The following C2CD2 variants were observed in gnomAD, a reference collection of about 807,000 sequenced individuals.
C2CD2 encodes C2 calcium dependent domain containing 2, also known as C2 domain-containing protein 2.
In C2CD2, 43 loss-of-function variants were observed where a neutral mutation model predicts 74.3. That is an observed-to-expected ratio of 0.58 (90% CI 0.45 to 0.75). The LOEUF is 0.75. C2CD2 is among the 30% of genes least tolerant of loss of function. The pLI, the probability that C2CD2 is intolerant of heterozygous loss-of-function variation, is 0.00. For missense variants in C2CD2, 801 were observed against 916.3 expected (o/e 0.87, Z 1.63); for synonymous variants, 422 against 390.7 (o/e 1.08, Z -0.94).
Position 41,931,104 on chromosome 21 carries a change from C to A in C2CD2, c.379-9019G>T, listed in dbSNP as rs146544238. Reference sequence around the variant, plus strand: ...TTGAAGTCTAGGAGAAATAAATGCACTCGGTGCATGTTGGGACTAGAAGAG... The same window carrying A: ...TTGAAGTCTAGGAGAAATAAATGCAATCGGTGCATGTTGGGACTAGAAGAG... On this transcript the variant is annotated intron_variant, in intron 2 of 13. Coordinates refer to ENST00000380486, the MANE Select transcript of C2CD2 (RefSeq NM_015500.2). Among the ~76,000 whole-genome samples the A allele has an allele frequency of 1.5e-3, 219 of 150,736 alleles. 3 individuals carry two copies. Among genetic ancestry groups the A allele is most frequent in the African/African-American group, 5.0e-3 (206 of 41,448 alleles).
At chr21:41,916,187 T>G (rs1810539515) in intron 5 of C2CD2, among the ~76,000 whole-genome samples, 1 of 152,154 alleles carries the variant, frequency 6.6e-6, no homozygotes, top group Non-Finnish European at 1.5e-5. Context: ...GGGACAGAGA[T>G]GAAATCTTTT....
In C2CD2 at chr21:41,927,886, C is replaced by T. The variant is rs150735160; in HGVS notation, c.379-5801G>A. ...CCTCTTTTGGGGGAAGCCTCCACCA[C>T]GTGGGGCTCCTGCGTCAACCTGACT... On this transcript the variant is annotated intron_variant, in intron 2 of 13. Transcript: ENST00000380486. 8.7e-3 allele frequency among the ~76,000 whole-genome samples: 1,330 copies of T among 152,300 alleles called. 16 individuals carry two copies. The highest frequency in any genetic ancestry group is 0.03 in the African/African-American group (1,233 of 41,558).
At chr21:41,919,034 CTG>C (rs3833357) in intron 3 of C2CD2, 74 bp from the exon 4 acceptor site, 7 of 989,234 alleles carry the variant, frequency 7.1e-6, no homozygotes, top group South Asian at 1.3e-5. Flanking sequence ...GTGCATGTGA[CTG>C]TGTGAGCATG....
At chr21:41,907,221 T>C in intron 9 of C2CD2, 55 bp from the exon 10 acceptor site, 2 of 1,431,058 alleles carry the variant, frequency 1.4e-6, no homozygotes, top group Admixed American at 1.7e-5. Flanking sequence ...CCCAGGCTGA[T>C]CAGCCAGGTA....
chr21:41,894,436 C>T (rs528113927), intron 13 of C2CD2: 40 of 361,558 alleles, frequency 1.1e-4, no homozygotes, highest in South Asian at 4.1e-4. Context: ...TGTGACATTG[C>T]GCTTTCTGGC....
In C2CD2 at chr21:41,923,156, C is replaced by T. The variant is rs1013831312; in HGVS notation, c.379-1071G>A. 2.6e-5 allele frequency among the ~76,000 whole-genome samples: 4 copies of T among 152,122 alleles called. No homozygotes were observed. The highest frequency in any genetic ancestry group is 7.2e-5 in the African/African-American group (3 of 41,424). The stretch of plus-strand genomic sequence containing the variant: ...GTTTACAGGCGTGTGCTACTACTCC[C>T]GGCTAATTTTTTGTGTTTTTAGTAG... On this transcript the variant is annotated intron_variant, in intron 2 of 13. Coordinates refer to ENST00000380486, the MANE Select transcript of C2CD2 (RefSeq NM_015500.2). The surrounding 1 kb of genome is among the most constrained non-coding windows in gnomAD (Gnocchi z 5.8).
At position 41,885,470 on chromosome 21, in the gene C2CD2, T is replaced by C. The variant is rs891130940; in HGVS notation, c.*3654A>G. On this transcript the variant is annotated 3_prime_UTR_variant, in exon 14 of 14. Coordinates refer to ENST00000380486, the MANE Select transcript of C2CD2 (RefSeq NM_015500.2). ...TGTATTGTGTTTCGAATGCAAACGGTCATGGACCCAAGTTAACCTGAGTTT... is the reference window on the plus strand; with the variant it reads ...TGTATTGTGTTTCGAATGCAAACGGCCATGGACCCAAGTTAACCTGAGTTT... 1 of 152,680 alleles carries C rather than the reference T, an allele frequency of 6.5e-6. No individual in the cohort carries two copies. Among genetic ancestry groups the C allele is most frequent in the Non-Finnish European group, 1.5e-5 (1 of 68,078 alleles). The allele number at this position is 152,680 out of a possible 1,614,324, so 9.5% of individuals were successfully genotyped here.
At chr21:41,927,357 G>C (rs1016652009) in intron 2 of C2CD2, among the ~76,000 whole-genome samples, 2 of 152,158 alleles carry the variant, frequency 1.3e-5, no homozygotes, top group South Asian at 2.1e-4. Flanking sequence ...GTAGAGACAG[G>C]GTTTCACCAT....
chr21:41,907,872 A>G, intron 8 of C2CD2, 88 bp from the exon 9 acceptor site: 1 of 1,397,114 alleles, frequency 7.2e-7, no homozygotes, highest in East Asian at 2.3e-5. Flanking sequence ...CAGCAGCCGG[A>G]ACACGCTCCT....
At chr21:41,898,151 G>A (rs2064845993) in intron 13 of C2CD2, among the ~76,000 whole-genome samples, 2 of 152,222 alleles carry the variant, frequency 1.3e-5, no homozygotes, top group African/African-American at 2.4e-5. Context: ...TGAGATTTCC[G>A]CTGAAAGCCT....
chr21:41,925,899 C>T (rs2065205880), intron 2 of C2CD2, among the ~76,000 whole-genome samples: 1 of 152,188 alleles, frequency 6.6e-6, no homozygotes, highest in Non-Finnish European at 1.5e-5. Context: ...CCTAGATCCT[C>T]CCTCCCACAA....
At position 41,886,973 on chromosome 21, in the gene C2CD2, A is replaced by T. The variant is rs1377411035; in HGVS notation, c.*2151T>A. ...GCAACAGAGTGAAACTCCATCTCGA[A>T]AAAAAAATTTTTTAAATAAAAAAAA... On this transcript the variant is annotated 3_prime_UTR_variant, in exon 14 of 14. Coordinates refer to ENST00000380486, the MANE Select transcript of C2CD2 (RefSeq NM_015500.2). 6.6e-6 allele frequency: 1 copy of T among 152,170 alleles called. No individual in the cohort carries two copies. Among genetic ancestry groups the T allele is most frequent in the East Asian group, 1.9e-4 (1 of 5,198 alleles). The allele number at this position is 152,170 out of a possible 1,614,324, so 9.4% of individuals were successfully genotyped here. A position where few individuals can be genotyped will look rare whatever the true frequency, so the allele number is the denominator to read the frequency against.
chr21:41,920,922 T>C (rs1202749257), intron 3 of C2CD2, among the ~76,000 whole-genome samples: 1 of 152,232 alleles, frequency 6.6e-6, no homozygotes, highest in Non-Finnish European at 1.5e-5. Flanking sequence ...TTGCAGGTTA[T>C]TTTCTCATCA....
At position 41,893,695 on chromosome 21, in the gene C2CD2, T is replaced by C. The variant is rs560785007; in HGVS notation, c.1871-4351A>G. 8.1e-5 allele frequency among the ~76,000 whole-genome samples: 11 copies of C among 135,986 alleles called. No individual in the cohort carries two copies. In the South Asian group the frequency reaches 2.5e-3, roughly 31 times the overall value. 89.2% of individuals were successfully genotyped at this position (135,986 alleles called of 152,430 possible). On this transcript the variant is annotated intron_variant, in intron 13 of 13. Transcript: ENST00000380486. ...AGAGCATGTCTGCTGTTTTGTTAAA[T>C]TTCTTTTTTTTTTTTTTTTTTTTTG...
chr21:41,937,818 T>C lies in C2CD2; in HGVS notation c.378+4329A>G, dbSNP rs1164679509. ...TCATTTGCAACAACATGGATAAACC[T>C]GGAGAACATTATGTTAAGGGAAATA... On this transcript the variant is annotated intron_variant, in intron 2 of 13. Coordinates refer to ENST00000380486, the MANE Select transcript of C2CD2 (RefSeq NM_015500.2). 2.0e-5 allele frequency among the ~76,000 whole-genome samples: 3 copies of C among 152,164 alleles called. No homozygotes were observed. The East Asian group carries it at 5.8e-4, about 29-fold the overall frequency.
intron 6 of C2CD2, among the ~76,000 whole-genome samples, chr21:41,913,687 A>G (rs2065053989): frequency 6.6e-6 from 1 of 152,358 alleles, no homozygotes; most frequent in Non-Finnish European, 1.5e-5. Flanking sequence ...AGCCCCTTGC[A>G]AATAAAGATA....
Position 41,931,483 on chromosome 21 carries a change from C to T in C2CD2, c.379-9398G>A, listed in dbSNP as rs1313108763. Among the ~76,000 whole-genome samples, 31 of 142,268 alleles carry T rather than the reference C, an allele frequency of 2.2e-4. 1 individual carries two copies. The highest frequency in any genetic ancestry group is 2.9e-4 in the Non-Finnish European group (19 of 65,174). 93.3% of individuals were successfully genotyped at this position (142,268 alleles called of 152,430 possible). A position where few individuals can be genotyped will look rare whatever the true frequency, so the allele number is the denominator to read the frequency against. On this transcript the variant is annotated intron_variant, in intron 2 of 13. Coordinates refer to ENST00000380486, the MANE Select transcript of C2CD2 (RefSeq NM_015500.2). ...CTGTCGCCAGGCTGGAGTGCAGTGGCGCAATCTCGGCTCACTGCAACCTCT... is the reference window on the plus strand; with the variant it reads ...CTGTCGCCAGGCTGGAGTGCAGTGGTGCAATCTCGGCTCACTGCAACCTCT...
intron 3 of C2CD2, among the ~76,000 whole-genome samples, chr21:41,919,295 T>C (rs1459620273): frequency 2.6e-5 from 4 of 152,166 alleles, no homozygotes; most frequent in African/African-American, 7.2e-5. Flanking sequence ...TGTGTGTATG[T>C]ATGTGTGTAC....
intron 13 of C2CD2, among the ~76,000 whole-genome samples, chr21:41,898,446 T>C (rs1331175675): frequency 6.6e-6 from 1 of 152,190 alleles, no homozygotes; most frequent in African/African-American, 2.4e-5. Flanking sequence ...TCTCGGCAAA[T>C]CTGCACACGC....
Sources: allele counts gnomAD v4.1 joint callset (sites outside exome capture counted in the v4.1 genomes callset), GRCh38; gene constraint gnomAD v4.1.1; non-coding constraint Gnocchi (gnomAD v3.1); transcripts MANE v1.5; gene names NCBI Gene and HGNC (gene_info 2026-07-23, HGNC 2026-07-21).